C11orf65: variants seen among roughly 807,000 people sequenced by gnomAD.
C11orf65 encodes the protein protein MFI.
C11orf65 carries 38 observed loss-of-function variants against 35.3 expected under a neutral mutation model. That is an observed-to-expected ratio of 1.08 (90% CI 0.83 to 1.41). C11orf65 has a LOEUF of 1.41. Ranked by LOEUF, C11orf65 falls within the 40% of genes most tolerant of loss-of-function variation. C11orf65 has a pLI of 0.00. For synonymous variants in C11orf65, 105 were observed against 114.4 expected, an observed-to-expected ratio of 0.92 and a Z score of 0.53; for missense variants, 370 against 367.1, an observed-to-expected ratio of 1.01 and a Z score of -0.06.
intron 3 of C11orf65, chr11:108,331,777 A>G (rs1815421276): frequency 7.1e-7 from 1 of 1,406,844 alleles, no homozygotes. Context: ...TACCCACTGC[A>G]GTATCTAGAC....
intron 2 of C11orf65, among the ~76,000 whole-genome samples, chr11:108,375,111 C>A (rs1003764146): frequency 1.3e-5 from 2 of 152,050 alleles, no homozygotes; most frequent in African/African-American, 4.8e-5. Context: ...GGCAGGCCAA[C>A]GTTCAGGTTC....
intron 6 of C11orf65, among the ~76,000 whole-genome samples, chr11:108,313,926 CAG>C (rs1208735905): frequency 6.6e-6 from 1 of 151,968 alleles, no homozygotes; most frequent in Non-Finnish European, 1.5e-5. Context: ...TTGTTTTAAA[CAG>C]AATATATCTT....
chr11:108,468,735 A>C (rs1358589172), upstream of C11orf65, among the ~76,000 whole-genome samples: 2 of 152,206 alleles, frequency 1.3e-5, no homozygotes, highest in East Asian at 1.9e-4. Flanking sequence ...AGTTATGAAC[A>C]ATAAACTGTA....
chr11:108,326,838 T>C (rs1389088771), downstream of C11orf65, among the ~76,000 whole-genome samples: 1 of 152,166 alleles, frequency 6.6e-6, no homozygotes, highest in African/African-American at 2.4e-5. Flanking sequence ...TATTTATTTA[T>C]TTTTTGAGAC....
At chr11:108,466,352 T>C (rs1256926078) in intron 1 of C11orf65, among the ~76,000 whole-genome samples, 1 of 152,162 alleles carries the variant, frequency 6.6e-6, no homozygotes, top group African/African-American at 2.4e-5. Flanking sequence ...GGTGGGCAGA[T>C]CACCTTAAGT....
At chr11:108,326,009 T>G (rs2136328773) in intron 6 of C11orf65, 3 of 1,581,950 alleles carry the variant, frequency 1.9e-6, no homozygotes, top group Non-Finnish European at 2.6e-6. Flanking sequence ...TTCATGGTAG[T>G]AGTATCAGTA....
At chr11:108,433,511 C>A (rs944519819) in intron 2 of C11orf65, among the ~76,000 whole-genome samples, 2 of 151,952 alleles carry the variant, frequency 1.3e-5, no homozygotes, top group Non-Finnish European at 2.9e-5. Flanking sequence ...ACCCAGGAGG[C>A]GGAACTTGCA....
chr11:108,383,564 G>C (rs549891413), intron 8 of C11orf65, among the ~76,000 whole-genome samples: 84 of 152,322 alleles, frequency 5.5e-4, no homozygotes, highest in South Asian at 4.1e-4. Context: ...CTGGTATTTA[G>C]TTGGTGCTCT....
chr11:108,424,027 A>T (rs542581815), intron 3 of C11orf65, among the ~76,000 whole-genome samples: 1 of 152,350 alleles, frequency 6.6e-6, no homozygotes, highest in South Asian at 2.1e-4. Flanking sequence ...ACTCCTTGCC[A>T]GCAAGGGAAC....
At chr11:108,413,750 A>C (rs1482510555) in intron 3 of C11orf65, among the ~76,000 whole-genome samples, 1 of 152,196 alleles carries the variant, frequency 6.6e-6, no homozygotes, top group Admixed American at 6.5e-5. Context: ...TAAACTAGAA[A>C]TCAGTAACAG....
At chr11:108,404,768 T>C (rs947597591) in intron 6 of C11orf65, among the ~76,000 whole-genome samples, 2 of 152,120 alleles carry the variant, frequency 1.3e-5, no homozygotes, top group Admixed American at 6.5e-5. Flanking sequence ...TCTGTTCCAT[T>C]GACCTATATT....
At chr11:108,446,429 A>C (rs2093259491) in intron 2 of C11orf65, among the ~76,000 whole-genome samples, 1 of 151,568 alleles carries the variant, frequency 6.6e-6, no homozygotes, top group African/African-American at 2.4e-5. Context: ...CTAACAGCGG[A>C]TCTCTCAGCA....
At chr11:108,337,611 G>C (rs2086993476) in intron 2 of C11orf65, among the ~76,000 whole-genome samples, 1 of 152,182 alleles carries the variant, frequency 6.6e-6, no homozygotes, top group African/African-American at 2.4e-5. Flanking sequence ...ACAACACTTT[G>C]AGACCCACCA....
chr11:108,364,024 G>A (rs932465846), intron 2 of C11orf65, among the ~76,000 whole-genome samples: 11 of 152,210 alleles, frequency 7.2e-5, no homozygotes, highest in African/African-American at 2.6e-4. Context: ...TGAACTTAAC[G>A]GACAAGCTAC....
chr11:108,376,724 G>C (rs1194920723), intron 2 of C11orf65, among the ~76,000 whole-genome samples: 1 of 152,018 alleles, frequency 6.6e-6, no homozygotes, highest in Non-Finnish European at 1.5e-5. Context: ...AAAATTAATA[G>C]ACCGCTAGCA....
chr11:108,327,650 T>C, downstream of C11orf65: 1 of 1,613,526 alleles, frequency 6.2e-7, no homozygotes. Flanking sequence ...TACAGAACAA[T>C]CCCAGCCTAA....
chr11:108,431,911 G>A, intron 2 of C11orf65, 73 bp from the exon 3 acceptor site: 1 of 796,914 alleles, frequency 1.3e-6, no homozygotes. Context: ...TGTCTAATCA[G>A]GGCAAAAACG....
intron 3 of C11orf65, chr11:108,334,089 T>A: frequency 1.3e-6 from 1 of 748,930 alleles, no homozygotes; most frequent in Non-Finnish European, 2.3e-6. Context: ...TTCATATGTT[T>A]CAACCTATAA....
At chr11:108,373,735 G>A (rs1032959420) in intron 2 of C11orf65, among the ~76,000 whole-genome samples, 8 of 152,244 alleles carry the variant, frequency 5.3e-5, no homozygotes, top group African/African-American at 1.7e-4. Flanking sequence ...CGCATCACAC[G>A]GGAAGCGCAA....
Sources: allele counts gnomAD v4.1 joint callset (sites outside exome capture counted in the v4.1 genomes callset), GRCh38; gene constraint gnomAD v4.1.1; transcripts MANE v1.5; gene names NCBI Gene and HGNC (gene_info 2026-07-23, HGNC 2026-07-21).